MRPS22: variants seen among roughly 807,000 people sequenced by gnomAD.
The protein encoded by MRPS22 is mitochondrial ribosomal protein S22, also known as small ribosomal subunit protein mS22.
In MRPS22, 30 loss-of-function variants were observed where a neutral mutation model predicts 44.0. The observed-to-expected ratio is 0.68, with a 90% CI of 0.51 to 0.93. MRPS22 has a LOEUF of 0.93. Among genes scored for constraint, MRPS22 ranks in the 40% least tolerant of loss-of-function variants. MRPS22 has a pLI of 0.00. For missense variants in MRPS22, 447 were observed against 447.8 expected, an observed-to-expected ratio of 1.00 and a Z score of 0.02; for synonymous variants, 165 against 154.4, an observed-to-expected ratio of 1.07 and a Z score of -0.51.
intron 2 of MRPS22, 38 bp from the exon 3 acceptor site, chr3:139,348,121 AC>A: frequency 6.2e-7 from 1 of 1,604,892 alleles, no homozygotes; most frequent in Non-Finnish European, 8.5e-7. Context: ...ATATTATGTA[AC>A]CTTGTGGCTT....
intron 6 of MRPS22, among the ~76,000 whole-genome samples, chr3:139,354,119 G>C (rs775080674): frequency 3.3e-5 from 5 of 152,188 alleles, no homozygotes; most frequent in South Asian, 2.1e-4. Flanking sequence ...ATTCTGAACA[G>C]AAGAGTGAGC....
intron 1 of MRPS22, among the ~76,000 whole-genome samples, chr3:139,346,468 A>G (rs549710311): frequency 1.9e-4 from 29 of 152,272 alleles, no homozygotes; most frequent in African/African-American, 7.0e-4. Flanking sequence ...CTTAATAGCT[A>G]GTTGTCTTTG....
At chr3:139,348,477 A>T (rs1576362466) in intron 3 of MRPS22, 153 bp downstream of exon 3, 1 of 737,642 alleles carries the variant, frequency 1.4e-6, no homozygotes, top group East Asian at 2.7e-5. Context: ...TATATGAGGG[A>T]TGAGAAATGC....
chr3:139,356,265 ATT>A (rs908514139), intron 7 of MRPS22, among the ~76,000 whole-genome samples: 4 of 152,182 alleles, frequency 2.6e-5, no homozygotes, highest in Admixed American at 6.5e-5. Context: ...CTGTATTGTC[ATT>A]TTGGAGCTGC....
Position 139,356,994 on chromosome 3 carries a change from C to A in MRPS22, c.1063C>A (p.Arg355Ser), listed in dbSNP as rs191025290. 6.2e-7 allele frequency: 1 copy of A among 1,611,352 alleles called. No individual in the cohort carries two copies. The highest frequency in any genetic ancestry group is 1.1e-5 in the South Asian group (1 of 90,616). ...GCAGACTTATCAAGAAGCACTCAGT[C>A]GCCATTCTGCAGCTTCCTAAAAATA... is the stretch of plus-strand genomic sequence containing the variant. ...TLQTYQEALS[R>S]HSAAS The change falls in exon 8 of 8, where the codon CGC becomes AGC. Residue 355 changes from arginine (R) to serine (S), a missense_variant. Transcript: ENST00000680020.
chr3:139,347,067 T>A (rs1435745012), intron 2 of MRPS22, 23 bp downstream of exon 2: 1 of 1,613,458 alleles, frequency 6.2e-7, no homozygotes, highest in Non-Finnish European at 8.5e-7. Flanking sequence ...AGGAATATTG[T>A]TAGAATACCT....
chr3:139,346,899 C>A lies in MRPS22; in HGVS notation c.194C>A (p.Thr65Asn). 3.1e-6 allele frequency: 5 copies of A among 1,614,042 alleles called. No individual in the cohort carries two copies. The highest frequency in any genetic ancestry group is 4.2e-6 in the Non-Finnish European group (5 of 1,179,984). Residue 65 changes from threonine to asparagine, a missense_variant, in exon 2 of 8, where the codon ACC (threonine) becomes AAC (asparagine). Coordinates refer to ENST00000680020, the MANE Select transcript of MRPS22 (RefSeq NM_020191.4). ...SEAAESGSPETKKPTFMDEEV... is the reference protein window; with the variant it reads ...SEAAESGSPENKKPTFMDEEV... ...TTAGCAGAATCTGGTAGCCCAGAGACCAAGAAACCTACATTTATGGATGAG... is the reference window on the plus strand; with the variant it reads ...TTAGCAGAATCTGGTAGCCCAGAGAACAAGAAACCTACATTTATGGATGAG...
chr3:139,346,940 C>G lies in MRPS22; in HGVS notation c.235C>G (p.Leu79Val), dbSNP rs765088399. The G allele has an allele frequency of 6.2e-6, 10 of 1,614,038 alleles. 1 individual carries two copies. Among genetic ancestry groups the G allele is most frequent in the Non-Finnish European group, 8.5e-6 (10 of 1,180,024 alleles). The change falls in exon 2 of 8, where the codon CTC (leucine) becomes GTC (valine). Residue 79 changes from leucine to valine, a missense_variant. Coordinates refer to ENST00000680020, the MANE Select transcript of MRPS22 (RefSeq NM_020191.4). Reference sequence around the variant, plus strand: ...TATGGATGAGGAAGTTCAAAGCATACTCACGAAAATGACAGGCTTGAACTT... The same window carrying G: ...TATGGATGAGGAAGTTCAAAGCATAGTCACGAAAATGACAGGCTTGAACTT... Reference protein sequence around the residue: ...TFMDEEVQSILTKMTGLNLQK... With the variant: ...TFMDEEVQSIVTKMTGLNLQK...
rs773674470 is a variant in MRPS22 at position 139,344,216 on chromosome 3, C to T, written c.172+18C>T. On this transcript the variant is annotated intron_variant, in intron 1 of 7. Coordinates refer to ENST00000680020, the MANE Select transcript of MRPS22 (RefSeq NM_020191.4). ...CGAGGCCGGTAAGTGACCTTCCGGA[C>T]TTTCGCTGGGGCGTTCTTCTGGGAG... 17 of 1,592,130 alleles carry T rather than the reference C, an allele frequency of 1.1e-5. No homozygotes were observed. In the East Asian group the frequency reaches 3.6e-4, roughly 34 times the overall value.
intron 2 of MRPS22, 73 bp from the exon 3 acceptor site, chr3:139,348,087 A>C (rs1276105059): frequency 6.7e-7 from 1 of 1,492,970 alleles, no homozygotes; most frequent in Non-Finnish European, 9.2e-7. Context: ...TTTTATTAGT[A>C]TGTGCTTTTG....
At chr3:139,347,440 G>T (rs1941060781) in intron 2 of MRPS22, among the ~76,000 whole-genome samples, 1 of 152,162 alleles carries the variant, frequency 6.6e-6, no homozygotes, top group Non-Finnish European at 1.5e-5. Flanking sequence ...AGTGTCCTCA[G>T]TACCATGGGT....
At chr3:139,356,702 T>C (rs559502389) in intron 7 of MRPS22, among the ~76,000 whole-genome samples, 7 of 152,332 alleles carry the variant, frequency 4.6e-5, no homozygotes, top group African/African-American at 1.4e-4. Context: ...TTCTGGTGTT[T>C]AGAATTAGTA....
At chr3:139,348,039 T>A (rs537155408) in intron 2 of MRPS22, 121 bp from the exon 3 acceptor site, 125 of 1,048,908 alleles carry the variant, frequency 1.2e-4, no homozygotes, top group South Asian at 9.5e-4. Flanking sequence ...CTCACTGATT[T>A]GTGGCTACAC....
intron 3 of MRPS22, among the ~76,000 whole-genome samples, chr3:139,349,686 A>G (rs1941109883): frequency 6.6e-6 from 1 of 152,230 alleles, no homozygotes; most frequent in African/African-American, 2.4e-5. Flanking sequence ...TGGACCAGAC[A>G]GCCTCTCAGA....
chr3:139,357,050 T>G lies in MRPS22; in HGVS notation c.*36T>G. 2.1e-6 allele frequency: 3 copies of G among 1,440,046 alleles called. No individual in the cohort carries two copies. Among genetic ancestry groups the G allele is most frequent in the Non-Finnish European group, 2.9e-6 (3 of 1,032,140 alleles). 89.2% of individuals were successfully genotyped at this position (1,440,046 alleles called of 1,614,324 possible). A position where few individuals can be genotyped will look rare whatever the true frequency, so the allele number is the denominator to read the frequency against. ...AAAATACATTTATTTTACTAAATACTGACTACATTTCTCTGTTAATATTGA... is the reference window on the plus strand; with the variant it reads ...AAAATACATTTATTTTACTAAATACGGACTACATTTCTCTGTTAATATTGA... On this transcript the variant is annotated 3_prime_UTR_variant, in exon 8 of 8. Coordinates refer to ENST00000680020, the MANE Select transcript of MRPS22 (RefSeq NM_020191.4).
In MRPS22 at chr3:139,352,761, G is replaced by T; in HGVS notation, c.847G>T (p.Gly283Cys). ...WYFVNNKKID[G>C]LLIDQIQRDL... Reference sequence around the variant, plus strand: ...TTTTGTAAATAATAAAAAGATTGATGGTTTGCTGATTGACCAGATTCAGAG... The same window carrying T: ...TTTTGTAAATAATAAAAAGATTGATTGTTTGCTGATTGACCAGATTCAGAG... The change falls in exon 6 of 8, where the codon GGT becomes TGT. Residue 283 changes from glycine (G) to cysteine (C), a missense_variant. By Grantham distance (159) the Gly-to-Cys change is radical (BLOSUM62 -3). Transcript: ENST00000680020. 1 of 1,613,678 alleles carries T rather than the reference G, an allele frequency of 6.2e-7. No homozygotes were observed. Among genetic ancestry groups the T allele is most frequent in the South Asian group, 1.1e-5 (1 of 91,056 alleles).
At chr3:139,344,757 G>A in intron 1 of MRPS22, 2 of 668,802 alleles carry the variant, frequency 3.0e-6, no homozygotes, top group South Asian at 1.6e-5. Flanking sequence ...TTGGATATGA[G>A]TTTAAAGGGA....
rs1940986913 is a variant in MRPS22, at chr3:139,344,064, T to C, written c.38T>C (p.Leu13Pro). The stretch of plus-strand genomic sequence containing the variant: ...GGAACAACTGTATTGCTGTGGAGCC[T>C]CTTGAGGAGTTCTCCGGGCGTGGAA... ...PLGTTVLLWS[L>P]LRSSPGVERV... The change falls in exon 1 of 8, where the codon CTC (leucine) becomes CCC (proline). Residue 13 changes from leucine to proline, a missense_variant. Leu to Pro is a moderately conservative substitution (Grantham distance 98). Coordinates refer to ENST00000680020, the MANE Select transcript of MRPS22 (RefSeq NM_020191.4). 3 of 1,614,154 alleles carry C rather than the reference T, an allele frequency of 1.9e-6. No individual in the cohort carries two copies. Among genetic ancestry groups the C allele is most frequent in the Non-Finnish European group, 2.5e-6 (3 of 1,180,026 alleles).
chr3:139,351,057 C>T lies in MRPS22; in HGVS notation c.729C>T (p.Ile243=), dbSNP rs1389636925. The part of the protein sequence containing the change: ...AQFEPDSTEY[I]KVHHKTYEDI... Reference sequence around the variant, plus strand: ...TTGAGCCAGATTCCACAGAGTATATCAAGGTGAGTAGATTTTAGTTTCTAA... The same window carrying T: ...TTGAGCCAGATTCCACAGAGTATATTAAGGTGAGTAGATTTTAGTTTCTAA... Residue 243 remains isoleucine (I), a synonymous_variant, in exon 5 of 8, where the codon ATC becomes ATT. Coordinates refer to ENST00000680020, the MANE Select transcript of MRPS22 (RefSeq NM_020191.4). 6.2e-7 allele frequency: 1 copy of T among 1,612,278 alleles called. No individual in the cohort carries two copies.
Sources: allele counts gnomAD v4.1 joint callset (sites outside exome capture counted in the v4.1 genomes callset), GRCh38; gene constraint gnomAD v4.1.1; transcripts MANE v1.5; gene names NCBI Gene and HGNC (gene_info 2026-07-23, HGNC 2026-07-21).